CCSER1: variants seen among roughly 807,000 people sequenced by gnomAD.
CCSER1 encodes serine-rich coiled-coil domain-containing protein 1.
CCSER1 carries 41 observed loss-of-function variants against 82.0 expected under a neutral mutation model. The observed-to-expected ratio is 0.50, with a 90% CI of 0.39 to 0.65. CCSER1 has a LOEUF of 0.65. CCSER1 is among the 30% of genes least tolerant of loss of function. The probability of loss-of-function intolerance (pLI) is 0.00; values close to 1 mark genes in which losing one functional copy is unlikely to be tolerated. For synonymous variants in CCSER1, 414 were observed against 383.9 expected (o/e 1.08, Z -0.92); for missense variants, 1,119 against 1,064.2 (o/e 1.05, Z -0.72).
intron 7 of CCSER1, chr4:90,725,114 A>G (rs1743404220): frequency 7.0e-6 from 2 of 287,472 alleles, no homozygotes; most frequent in Non-Finnish European, 1.4e-5. Flanking sequence ...TTATACAGAT[A>G]AATGAGAAAA....
chr4:90,814,822 C>T lies in CCSER1; in HGVS notation c.2011-940C>T, dbSNP rs116112272. On this transcript the variant is annotated intron_variant, in intron 7 of 10. Transcript: ENST00000509176. ...GCCTGGACTTTGTTGACCAAATCAC[C>T]ATAACATTTTAATCAAAACCATTTT... Among the ~76,000 whole-genome samples, 1,090 of 152,252 alleles carry T rather than the reference C, an allele frequency of 7.2e-3. 13 individuals carry two copies. The highest frequency in any genetic ancestry group is 0.018 in the South Asian group (88 of 4,818).
chr4:91,441,051 A>G (rs371600399), intron 10 of CCSER1, among the ~76,000 whole-genome samples: 5 of 151,922 alleles, frequency 3.3e-5, no homozygotes, highest in East Asian at 1.9e-4. Flanking sequence ...ACAAGGAGGA[A>G]CTGGTACCAT....
At chr4:90,142,322 C>T (rs763079496) in intron 1 of CCSER1, among the ~76,000 whole-genome samples, 3 of 152,188 alleles carry the variant, frequency 2.0e-5, no homozygotes, top group East Asian at 1.9e-4. Flanking sequence ...CCTTCCATGA[C>T]GACTTTAACC....
chr4:91,503,464 G>A (rs556133982), intron 10 of CCSER1, among the ~76,000 whole-genome samples: 3 of 152,072 alleles, frequency 2.0e-5, no homozygotes, highest in South Asian at 4.1e-4. Context: ...TTCAATCTGT[G>A]TATTTTTAGA....
intron 4 of CCSER1, among the ~76,000 whole-genome samples, chr4:90,423,013 A>G (rs892919584): frequency 2.6e-5 from 4 of 152,224 alleles, no homozygotes; most frequent in Admixed American, 2.0e-4. Context: ...GATTTTGTCT[A>G]CTTATTGAAC....
chr4:91,491,249 T>C (rs1234678949), intron 10 of CCSER1, among the ~76,000 whole-genome samples: 1 of 151,886 alleles, frequency 6.6e-6, no homozygotes, highest in Non-Finnish European at 1.5e-5. Flanking sequence ...TTACATGTAA[T>C]CTAGACTGGC....
intron 1 of CCSER1, among the ~76,000 whole-genome samples, chr4:90,285,896 T>C (rs1729803978): frequency 2.0e-5 from 3 of 151,978 alleles, no homozygotes; most frequent in Admixed American, 2.0e-4. Flanking sequence ...GAAATGATCA[T>C]GTGTTTTTGT....
At chr4:90,935,108 A>AT (rs955463076) in intron 9 of CCSER1, among the ~76,000 whole-genome samples, 4 of 152,114 alleles carry the variant, frequency 2.6e-5, no homozygotes, top group Non-Finnish European at 5.9e-5. Flanking sequence ...AAAAGCAGCT[A>AT]TGGCAACTCT....
intron 5 of CCSER1, among the ~76,000 whole-genome samples, chr4:90,523,207 T>C (rs1407969755): frequency 1.3e-5 from 2 of 152,162 alleles, no homozygotes; most frequent in Non-Finnish European, 2.9e-5. Context: ...AATATATTTG[T>C]TTTACTAATT....
chr4:91,241,270 T>C (rs962074117), intron 10 of CCSER1, among the ~76,000 whole-genome samples: 1 of 122,962 alleles, frequency 8.1e-6, no homozygotes, highest in Non-Finnish European at 1.6e-5. Flanking sequence ...CTCTCTTGGC[T>C]AATGGTTAAT....
At chr4:90,552,071 A>G (rs1405967500) in intron 5 of CCSER1, among the ~76,000 whole-genome samples, 2 of 152,162 alleles carry the variant, frequency 1.3e-5, no homozygotes, top group Non-Finnish European at 2.9e-5. Flanking sequence ...AAGCTCTTTT[A>G]TAAAGACCTT....
Position 91,303,229 on chromosome 4 carries a change from T to G in CCSER1, c.2217+217235T>G, listed in dbSNP as rs543106651. Among the ~76,000 whole-genome samples the G allele has an allele frequency of 2.0e-5, 3 of 152,074 alleles. No individual in the cohort carries two copies. In the South Asian group the frequency reaches 6.2e-4, roughly 32 times the overall value. On this transcript the variant is annotated intron_variant, in intron 10 of 10. Transcript: ENST00000509176. ...TTTCAAAATGCCTACCTGAAAGCAGTCTTATGAAGTTAAATTGATAAGTTC... is the reference window on the plus strand; with the variant it reads ...TTTCAAAATGCCTACCTGAAAGCAGGCTTATGAAGTTAAATTGATAAGTTC...
intron 7 of CCSER1, among the ~76,000 whole-genome samples, chr4:90,811,447 T>C (rs1475718505): frequency 1.3e-5 from 2 of 152,192 alleles, no homozygotes; most frequent in African/African-American, 4.8e-5. Flanking sequence ...AATTCCTGCT[T>C]AGAAAAATCT....
chr4:91,068,567 A>G (rs1721087169), intron 9 of CCSER1, among the ~76,000 whole-genome samples: 1 of 152,206 alleles, frequency 6.6e-6, no homozygotes, highest in South Asian at 2.1e-4. Context: ...GATAGTATGT[A>G]GTTTTACATT....
intron 10 of CCSER1, among the ~76,000 whole-genome samples, chr4:91,190,518 A>G (rs139581685): frequency 2.0e-5 from 3 of 152,310 alleles, no homozygotes; most frequent in African/African-American, 7.2e-5. Flanking sequence ...AAATTTTTTG[A>G]ACTTAAGAAT....
At chr4:90,228,651 C>G (rs1186564735) in intron 1 of CCSER1, among the ~76,000 whole-genome samples, 1 of 152,166 alleles carries the variant, frequency 6.6e-6, no homozygotes, top group East Asian at 1.9e-4. Flanking sequence ...GAGAAGAAGG[C>G]TTCAGATGAT....
chr4:90,580,246 T>C (rs751140435), intron 5 of CCSER1, among the ~76,000 whole-genome samples: 4 of 152,142 alleles, frequency 2.6e-5, no homozygotes, highest in East Asian at 1.9e-4. Context: ...AAAGCTGAAA[T>C]ACCACAGGTC....
chr4:90,270,186 C>G (rs921134940), intron 1 of CCSER1, among the ~76,000 whole-genome samples: 1 of 152,092 alleles, frequency 6.6e-6, no homozygotes, highest in East Asian at 1.9e-4. Flanking sequence ...AGCATTACCT[C>G]AATACCAAAA....
At chr4:91,039,229 G>A (rs1741711574) in intron 9 of CCSER1, among the ~76,000 whole-genome samples, 1 of 148,952 alleles carries the variant, frequency 6.7e-6, no homozygotes, top group Non-Finnish European at 1.5e-5. Context: ...TTTTTATGGA[G>A]ACAGGGTCTC....
Sources: gnomAD v4.1 joint callset for allele counts (sites outside exome capture counted in the v4.1 genomes callset) on GRCh38, gnomAD v4.1.1 for gene constraint, MANE v1.5 for transcripts, NCBI Gene and HGNC (gene_info 2026-07-23, HGNC 2026-07-21) for gene names.